The following C12orf54 variants were observed in gnomAD, a reference collection of about 807,000 sequenced individuals.
C12orf54 encodes the protein uncharacterized protein C12orf54.
Under a neutral mutation model 26.4 loss-of-function variants are expected in C12orf54, and 24 were observed. The observed-to-expected ratio is 0.91, with a 90% confidence interval of 0.66 to 1.28. The LOEUF is 1.28. Among genes scored for constraint, C12orf54 ranks in the 50% most tolerant of loss-of-function variants. C12orf54 has a pLI of 0.00. For synonymous variants in C12orf54, 54 were observed against 47.0 expected (o/e 1.15, Z -0.61); for missense variants, 154 against 150.9 (o/e 1.02, Z -0.11).
At chr12:48,485,185 T>C (rs569821534) in intron 2 of C12orf54, among the ~76,000 whole-genome samples, 1 of 152,296 alleles carries the variant, frequency 6.6e-6, no homozygotes, top group East Asian at 1.9e-4. Context: ...CAAGCAATCC[T>C]CCTGTCTCAG....
Position 48,488,930 on chromosome 12 carries a change from A to T in C12orf54, c.142A>T (p.Thr48Ser). ...ITETLWDQVL[T>S]VFKDIQKELQ... is the part of the protein sequence containing the mutation. ...TATTTTTGTCTTCTGTCAGGTGCTG[A>T]CAGTTTTTAAGGATATACAAAAGGA... Residue 48 changes from threonine (T) to serine (S), a missense_variant, in exon 5 of 9, where the codon ACA becomes TCA. Thr to Ser is a moderately conservative substitution (Grantham distance 58, BLOSUM62 1). Transcript: ENST00000548364. 6.2e-7 allele frequency: 1 copy of T among 1,609,908 alleles called. No homozygotes were observed. The highest frequency in any genetic ancestry group is 8.5e-7 in the Non-Finnish European group (1 of 1,176,426).
chr12:48,488,279 G>C, intron 4 of C12orf54: 1 of 587,242 alleles, frequency 1.7e-6, no homozygotes, highest in Admixed American at 2.2e-5. Context: ...TGGAGGATTA[G>C]CGATCTGGAA....
intron 4 of C12orf54, among the ~76,000 whole-genome samples, chr12:48,487,314 T>C (rs532115798): frequency 8.5e-4 from 130 of 152,310 alleles, no homozygotes; most frequent in African/African-American, 3.0e-3. Context: ...TTTGAACTTA[T>C]AGGAAACTGA....
chr12:48,416,893 A>G, the C12orf54 span, among the ~76,000 whole-genome samples: 1 of 151,982 alleles, frequency 6.6e-6, no homozygotes. Context: ...ATTAGGCTCT[A>G]CCCTCATGAA....
At chr12:48,456,878 A>G in the C12orf54 span, among the ~76,000 whole-genome samples, 2 of 152,174 alleles carry the variant, frequency 1.3e-5, no homozygotes, top group Non-Finnish European at 2.9e-5. Flanking sequence ...CAGAAACACC[A>G]AAGTACGAAA....
Position 48,486,070 on chromosome 12 carries a change from T to G in C12orf54, c.66-108T>G, listed in dbSNP as rs1954258089. The G allele has an allele frequency of 9.9e-6, 11 of 1,110,576 alleles. No individual in the cohort carries two copies. In the South Asian group the frequency reaches 1.5e-4, roughly 15 times the overall value. The allele number at this position is 1,110,576 out of a possible 1,614,324, so 68.8% of individuals were successfully genotyped here. Reference sequence around the variant, plus strand: ...GTGGCTACCCTTCCTGGATTTTTAGTATAGAAACTTCAAGAATTCCTGCTA... The same window carrying G: ...GTGGCTACCCTTCCTGGATTTTTAGGATAGAAACTTCAAGAATTCCTGCTA... On this transcript the variant is annotated intron_variant, in intron 2 of 8. Transcript: ENST00000548364.
the C12orf54 span, among the ~76,000 whole-genome samples, chr12:48,437,661 A>T: frequency 6.6e-6 from 1 of 152,258 alleles, no homozygotes; most frequent in East Asian, 1.9e-4. Context: ...CCACTTGATT[A>T]TCTCAATCGA....
the C12orf54 span, among the ~76,000 whole-genome samples, chr12:48,445,440 A>G: frequency 6.6e-6 from 1 of 152,118 alleles, no homozygotes; most frequent in Non-Finnish European, 1.5e-5. Flanking sequence ...ATTATAGGGG[A>G]TATCCATAAT....
the C12orf54 span, among the ~76,000 whole-genome samples, chr12:48,459,237 G>T: frequency 3.3e-5 from 5 of 152,154 alleles, no homozygotes; most frequent in African/African-American, 1.2e-4. Context: ...AGAGCTTGTA[G>T]GTGCTGAGGT....
the C12orf54 span, among the ~76,000 whole-genome samples, chr12:48,452,909 A>G: frequency 6.6e-6 from 1 of 152,228 alleles, no homozygotes; most frequent in Non-Finnish European, 1.5e-5. Flanking sequence ...AATTAGTTCA[A>G]CCATTGTAGA....
chr12:48,457,914 C>T, the C12orf54 span, among the ~76,000 whole-genome samples: 1 of 152,164 alleles, frequency 6.6e-6, no homozygotes, highest in Admixed American at 6.5e-5. Flanking sequence ...TGCAAGTTGG[C>T]ACTTGTCCCT....
the C12orf54 span, chr12:48,473,323 A>T: frequency 8.5e-7 from 1 of 1,178,844 alleles, no homozygotes; most frequent in Non-Finnish European, 1.2e-6. Flanking sequence ...GGAGAGGTAG[A>T]TGATGAGGAA....
At chr12:48,464,085 G>C in the C12orf54 span, among the ~76,000 whole-genome samples, 2 of 151,994 alleles carry the variant, frequency 1.3e-5, no homozygotes, top group Non-Finnish European at 2.9e-5. Flanking sequence ...AGAGCAATCA[G>C]GAAAGAGAAA....
chr12:48,484,031 T>TAAAATTAC (rs1954229582), intron 2 of C12orf54, among the ~76,000 whole-genome samples: 2 of 152,118 alleles, frequency 1.3e-5, no homozygotes, highest in South Asian at 4.1e-4. Flanking sequence ...CCATCTCTAC[T>TAAAATTAC]AAAATTACAA....
chr12:48,486,351 G>A (rs927803810), intron 3 of C12orf54, 143 bp downstream of exon 3: 1 of 798,136 alleles, frequency 1.3e-6, no homozygotes, highest in African/African-American at 1.7e-5. Flanking sequence ...TGGTGGAGTG[G>A]GTCATTGTCT....
intron 6 of C12orf54, among the ~76,000 whole-genome samples, chr12:48,492,471 G>T (rs927873006): frequency 6.6e-6 from 1 of 152,178 alleles, no homozygotes; most frequent in Admixed American, 6.5e-5. Context: ...AGGGCCCTGG[G>T]AACACCCACC....
the C12orf54 span, among the ~76,000 whole-genome samples, chr12:48,450,272 CTT>C: frequency 6.6e-6 from 1 of 152,234 alleles, no homozygotes; most frequent in African/African-American, 2.4e-5. Flanking sequence ...ATCAAGAAGT[CTT>C]TTGAAATTAG....
At chr12:48,464,925 T>C in the C12orf54 span, among the ~76,000 whole-genome samples, 1 of 152,250 alleles carries the variant, frequency 6.6e-6, no homozygotes, top group East Asian at 1.9e-4. Context: ...TCAAGATTTA[T>C]TAAAGACTTA....
chr12:48,479,680 G>C (rs575745518), upstream of C12orf54, among the ~76,000 whole-genome samples: 55 of 151,692 alleles, frequency 3.6e-4, no homozygotes, highest in African/African-American at 1.1e-3. Context: ...AATCTGAAAT[G>C]ATTGCAATTC....
Sources: allele counts gnomAD v4.1 joint callset (sites outside exome capture counted in the v4.1 genomes callset), GRCh38; gene constraint gnomAD v4.1.1; transcripts MANE v1.5; gene names NCBI Gene and HGNC (gene_info 2026-07-23, HGNC 2026-07-21).